The following SLC41A3 variants were observed in gnomAD, a reference collection of about 807,000 sequenced individuals.
SLC41A3 encodes the protein SLC41A1-like 2.
Under a neutral mutation model 45.4 loss-of-function variants are expected in SLC41A3, and 44 were observed. The ratio of observed to expected loss-of-function variants is 0.97; its 90% CI spans 0.76 to 1.25. SLC41A3 has a LOEUF of 1.25. Ranked by LOEUF, SLC41A3 falls within the 50% of genes most tolerant of loss-of-function variation. The pLI is 0.00. For synonymous variants in SLC41A3, 256 were observed against 252.4 expected (o/e 1.01, Z -0.13); for missense variants, 550 against 600.6 (o/e 0.92, Z 0.88).
Position 126,033,780 on chromosome 3 carries a change from C to A in SLC41A3, c.382-102G>T, listed in dbSNP as rs141442205. ...CTCTCAGGGAAGAAATCAACAAATA[C>A]CATTTCATCAGCGTCAGAAAAAAAT... On this transcript the variant is annotated intron_variant, in intron 3 of 10. Coordinates refer to ENST00000360370, the MANE Select transcript of SLC41A3 (RefSeq NM_017836.4). 22 of 1,230,410 alleles carry A rather than the reference C, an allele frequency of 1.8e-5. No homozygotes were observed. The African/African-American group carries it at 2.2e-4, about 13-fold the overall frequency. 76.2% of individuals were successfully genotyped at this position (1,230,410 alleles called of 1,614,324 possible). A position where few individuals can be genotyped will look rare whatever the true frequency, so the allele number is the denominator to read the frequency against.
chr3:126,101,052 T>C (rs1576395230), intron 1 of SLC41A3, among the ~76,000 whole-genome samples: 1 of 152,240 alleles, frequency 6.6e-6, no homozygotes, highest in Non-Finnish European at 1.5e-5. Context: ...TCCATGATGT[T>C]GGACTCGGCT....
At chr3:126,040,740 C>G (rs746616216) in intron 3 of SLC41A3, among the ~76,000 whole-genome samples, 2 of 152,202 alleles carry the variant, frequency 1.3e-5, no homozygotes, top group Non-Finnish European at 1.5e-5. Flanking sequence ...ACAGTCTAGT[C>G]AACACATTCT....
chr3:126,032,116 T>C (rs1190254522), intron 4 of SLC41A3, among the ~76,000 whole-genome samples: 1 of 151,624 alleles, frequency 6.6e-6, no homozygotes, highest in Non-Finnish European at 1.5e-5. Context: ...TGGCTGAAGA[T>C]GCACGGCAGG....
chr3:126,100,034 A>G (rs1945678519), intron 1 of SLC41A3, among the ~76,000 whole-genome samples: 1 of 152,188 alleles, frequency 6.6e-6, no homozygotes, highest in Admixed American at 6.5e-5. Context: ...AGCTAAAGAA[A>G]TCAACTCCTC....
At chr3:126,038,293 C>G (rs879557355) in intron 3 of SLC41A3, among the ~76,000 whole-genome samples, 3 of 152,236 alleles carry the variant, frequency 2.0e-5, no homozygotes, top group Non-Finnish European at 4.4e-5. Flanking sequence ...GACCACCACC[C>G]TCCATACCCT....
rs777216477 is a variant in SLC41A3 at position 126,039,332 on chromosome 3, G to T, written c.382-5654C>A. Among the ~76,000 whole-genome samples, 9 of 152,278 alleles carry T rather than the reference G, an allele frequency of 5.9e-5. 1 individual carries two copies. In the South Asian group the frequency reaches 1.9e-3, roughly 32 times the overall value. On this transcript the variant is annotated intron_variant, in intron 3 of 10. Transcript: ENST00000360370. ...ATGTTCCAGGAAATAAATCAGGATT[G>T]CCCATTGCATTTAGCCACAGCTCCT... is the stretch of plus-strand genomic sequence containing the variant.
chr3:126,065,551 C>G (rs1308151184), intron 2 of SLC41A3, among the ~76,000 whole-genome samples: 1 of 152,164 alleles, frequency 6.6e-6, no homozygotes, highest in African/African-American at 2.4e-5. Context: ...AGACTTGTAG[C>G]AGAGAGTTTT....
At chr3:126,072,139 A>G (rs1944649668) in intron 1 of SLC41A3, among the ~76,000 whole-genome samples, 2 of 152,192 alleles carry the variant, frequency 1.3e-5, no homozygotes, top group Non-Finnish European at 2.9e-5. Context: ...AATTTCTTTG[A>G]GATGAATGAA....
intron 2 of SLC41A3, among the ~76,000 whole-genome samples, chr3:126,052,120 A>G (rs1438914752): frequency 6.6e-6 from 1 of 152,156 alleles, no homozygotes. Flanking sequence ...GGAATTCAGA[A>G]TCCAGTTCCA....
intron 6 of SLC41A3, among the ~76,000 whole-genome samples, chr3:126,021,040 G>A (rs897006763): frequency 1.2e-4 from 18 of 152,050 alleles, no homozygotes; most frequent in Admixed American, 3.3e-4. Context: ...GACTACAGGC[G>A]CCCGCCACCA....
intron 1 of SLC41A3, among the ~76,000 whole-genome samples, chr3:126,097,396 T>G (rs1945625121): frequency 6.6e-6 from 1 of 152,198 alleles, no homozygotes; most frequent in Admixed American, 6.5e-5. Flanking sequence ...GGCCTCTCCC[T>G]GGCGCTGTGA....
chr3:126,008,465 T>C (rs1373803685), intron 10 of SLC41A3, among the ~76,000 whole-genome samples: 1 of 151,322 alleles, frequency 6.6e-6, no homozygotes, highest in Non-Finnish European at 1.5e-5. Flanking sequence ...GTGTGTGGGG[T>C]ACAGTGTGTG....
intron 5 of SLC41A3, chr3:126,025,082 A>C (rs530793775): frequency 6.6e-6 from 1 of 152,372 alleles, no homozygotes; most frequent in South Asian, 2.1e-4. Flanking sequence ...TATATTCATA[A>C]GCTTATTGTC....
chr3:126,040,347 G>T (rs926752152), intron 3 of SLC41A3, among the ~76,000 whole-genome samples: 2 of 152,166 alleles, frequency 1.3e-5, no homozygotes, highest in Non-Finnish European at 2.9e-5. Context: ...AAAACAAGAA[G>T]AGGTATCTAT....
At chr3:126,081,171 T>C (rs759664001) in intron 1 of SLC41A3, among the ~76,000 whole-genome samples, 2 of 152,330 alleles carry the variant, frequency 1.3e-5, no homozygotes, top group Admixed American at 6.5e-5. Flanking sequence ...TGGAGTACTA[T>C]TCAGCCATAA....
chr3:126,061,111 G>C (rs999398040), intron 2 of SLC41A3, among the ~76,000 whole-genome samples: 1 of 152,202 alleles, frequency 6.6e-6, no homozygotes, highest in African/African-American at 2.4e-5. Flanking sequence ...ACCAGGAGCA[G>C]TTTCCAACGC....
rs191357615 is a variant in SLC41A3, at chr3:126,054,539, C to T, written c.274-3489G>A. On this transcript the variant is annotated intron_variant, in intron 2 of 10. Coordinates refer to ENST00000360370, the MANE Select transcript of SLC41A3 (RefSeq NM_017836.4). ...CCCAGTATCACTGTCCCCATGACAGCGGCCACCCCTGTCTCTCACTTTCCA... is the reference window on the plus strand; with the variant it reads ...CCCAGTATCACTGTCCCCATGACAGTGGCCACCCCTGTCTCTCACTTTCCA... Among the ~76,000 whole-genome samples, 36 of 152,194 alleles carry T rather than the reference C, an allele frequency of 2.4e-4. No individual in the cohort carries two copies. In the East Asian group the frequency reaches 6.0e-3, roughly 26 times the overall value.
chr3:126,073,594 A>C (rs1489351526), intron 1 of SLC41A3, among the ~76,000 whole-genome samples: 7 of 152,214 alleles, frequency 4.6e-5, no homozygotes, highest in Non-Finnish European at 4.4e-5. Flanking sequence ...TTAAAAAATA[A>C]ATAAAGCTAA....
At chr3:126,029,372 C>CT (rs1195261226) in intron 4 of SLC41A3, among the ~76,000 whole-genome samples, 1 of 151,338 alleles carries the variant, frequency 6.6e-6, no homozygotes, top group African/African-American at 2.4e-5. Context: ...GCACTCCCTC[C>CT]CCCACCACTC....
Sources: gnomAD v4.1 joint callset for allele counts (sites outside exome capture counted in the v4.1 genomes callset) on GRCh38, gnomAD v4.1.1 for gene constraint, MANE v1.5 for transcripts, NCBI Gene and HGNC (gene_info 2026-07-23, HGNC 2026-07-21) for gene names.